The following NFXL1 variants were observed in gnomAD, a reference collection of about 807,000 sequenced individuals.
NFXL1 encodes NF-X1-type zinc finger protein NFXL1.
NFXL1 carries 66 observed loss-of-function variants against 123.3 expected under a neutral mutation model. The observed-to-expected ratio is 0.54, with a 90% CI of 0.44 to 0.66. The LOEUF is 0.66. Ranked by LOEUF, NFXL1 falls within the 30% of genes least tolerant of loss-of-function variation. The pLI is 0.00. For synonymous variants in NFXL1, 346 were observed against 360.8 expected, an observed-to-expected ratio of 0.96 and a Z score of 0.46; for missense variants, 944 against 1,125.6, an observed-to-expected ratio of 0.84 and a Z score of 2.31.
rs555314014 is a variant in NFXL1 at position 47,851,703 on chromosome 4, C to T, written c.2508+153G>A. Among the ~76,000 whole-genome samples, 5 of 151,980 alleles carry T rather than the reference C, an allele frequency of 3.3e-5. No individual in the cohort carries two copies. The South Asian group carries it at 1.0e-3, about 32-fold the overall frequency. On this transcript the variant is annotated intron_variant, in intron 21 of 22. Transcript: ENST00000507489. ...TCATATACACTAGGCAATGAAAATC[C>T]CAATCTGCCATTCAAAATAAGCCTA... is the stretch of plus-strand genomic sequence containing the variant.
Position 47,914,159 on chromosome 4 carries a change from GGATCGGCCTCGGCCACCGGCCACCTGGC to G in NFXL1, c.17_44del (p.Arg6ProfsTer66). 6.5e-7 allele frequency: 1 copy of G among 1,546,188 alleles called. No homozygotes were observed. Among genetic ancestry groups the G allele is most frequent in the Non-Finnish European group, 8.7e-7 (1 of 1,144,360 alleles). ...AGGGGGCGGCAGTGGCCCGTCCCCG[GGATCGGCCTCGGCCACCGGCCACCTGGC>G]GCCAGGAAGCTTCCATCCCTGCAAA... On this transcript the variant is annotated frameshift_variant, in exon 2 of 23. Coordinates refer to ENST00000507489, the MANE Select transcript of NFXL1 (RefSeq NM_001278624.2). LOFTEE classifies it high-confidence loss of function.
At chr4:47,872,461 CAA>C (rs34343515) in intron 18 of NFXL1, among the ~76,000 whole-genome samples, 2,326 of 110,860 alleles carry the variant, frequency 0.021, 61 homozygotes, top group African/African-American at 0.07. Context: ...GACTCTGTCT[CAA>C]AAAAAAAAAA....
rs547996221 is a variant in NFXL1, at chr4:47,883,259, A to C, written c.1916+1087T>G. ...CCGTCTCAAAGAAAAAAAAACAAAA[A>C]AAAACAGACTAAGGAACTCAATGGT... On this transcript the variant is annotated intron_variant, in intron 15 of 22. Coordinates refer to ENST00000507489, the MANE Select transcript of NFXL1 (RefSeq NM_001278624.2). Among the ~76,000 whole-genome samples the C allele has an allele frequency of 5.3e-5, 8 of 152,260 alleles. 1 individual carries two copies. In the South Asian group the frequency reaches 1.7e-3, roughly 32 times the overall value.
rs764307379 is a variant in NFXL1 at position 47,894,286 on chromosome 4, C to T, written c.1346G>A (p.Cys449Tyr). 3.1e-6 allele frequency: 5 copies of T among 1,590,106 alleles called. No individual in the cohort carries two copies. Among genetic ancestry groups the T allele is most frequent in the Non-Finnish European group, 4.3e-6 (5 of 1,168,410 alleles). Residue 449 changes from cysteine (C) to tyrosine (Y), a missense_variant, in exon 11 of 23, where the codon TGT (cysteine) becomes TAT (tyrosine). By Grantham distance (194) the Cys-to-Tyr change is radical. Around this residue, in one of 4 missense-constraint regions of NFXL1, gnomAD observed 296 missense variants for 395.1 expected, o/e 0.75. Transcript: ENST00000507489. ...ETCRQEVEKH[C>Y]RCGKHTKRMP... ...TCGTTTTGTATGCTTTCCACAGCGACAATGCTTTTCCACTTCCTGGAAGAA... is the reference window on the plus strand; with the variant it reads ...TCGTTTTGTATGCTTTCCACAGCGATAATGCTTTTCCACTTCCTGGAAGAA...
At chr4:47,856,368 C>T (rs1053248168) in intron 19 of NFXL1, among the ~76,000 whole-genome samples, 5 of 152,098 alleles carry the variant, frequency 3.3e-5, no homozygotes, top group African/African-American at 1.2e-4. Flanking sequence ...CATCAACTTA[C>T]GGTGGTGTAA....
intron 3 of NFXL1, among the ~76,000 whole-genome samples, chr4:47,906,924 A>T (rs1737590012): frequency 6.6e-6 from 1 of 152,244 alleles, no homozygotes; most frequent in Non-Finnish European, 1.5e-5. Flanking sequence ...GGAGGCCAAG[A>T]CTGAAAGCTG....
intron 19 of NFXL1, 65 bp from the exon 20 acceptor site, chr4:47,855,228 T>C (rs2110030873): frequency 4.7e-6 from 4 of 858,608 alleles, no homozygotes; most frequent in African/African-American, 1.7e-5. Context: ...GTTTCCCCCA[T>C]ACCCCAACAA....
chr4:47,909,076 C>CGT (rs1737706317), intron 3 of NFXL1, among the ~76,000 whole-genome samples: 2 of 151,904 alleles, frequency 1.3e-5, no homozygotes, highest in African/African-American at 4.8e-5. Context: ...ACAGCACAGA[C>CGT]TACACAACAG....
chr4:47,860,453 C>G (rs1734701411), intron 19 of NFXL1, among the ~76,000 whole-genome samples: 1 of 152,184 alleles, frequency 6.6e-6, no homozygotes, highest in Non-Finnish European at 1.5e-5. Flanking sequence ...GTATCAGAGA[C>G]ACAGTGGAGC....
At chr4:47,914,307 G>A (rs1738003648) in intron 1 of NFXL1, 58 bp downstream of exon 1, 2 of 934,174 alleles carry the variant, frequency 2.1e-6, no homozygotes, top group South Asian at 3.7e-5. Context: ...GGGGCCGAGT[G>A]AGGAAGGTTC....
At chr4:47,859,245 T>C (rs1734586171) in intron 19 of NFXL1, among the ~76,000 whole-genome samples, 1 of 152,172 alleles carries the variant, frequency 6.6e-6, no homozygotes, top group Non-Finnish European at 1.5e-5. Flanking sequence ...ATCAAAACGT[T>C]CCACTTTAAT....
chr4:47,866,995 G>A lies in NFXL1; in HGVS notation c.2247-4080C>T, dbSNP rs539044939. 7.9e-5 allele frequency among the ~76,000 whole-genome samples: 12 copies of A among 152,248 alleles called. No individual in the cohort carries two copies. In the South Asian group the frequency reaches 8.3e-4, roughly 11 times the overall value. On this transcript the variant is annotated intron_variant, in intron 18 of 22. Coordinates refer to ENST00000507489, the MANE Select transcript of NFXL1 (RefSeq NM_001278624.2). ...GCTCCACTGGGAGCAGACTCTGGGCGCTTGTGACTGGTTTGCCCTACACTT... is the reference window on the plus strand; with the variant it reads ...GCTCCACTGGGAGCAGACTCTGGGCACTTGTGACTGGTTTGCCCTACACTT...
rs571445370 is a variant in NFXL1 at position 47,885,752 on chromosome 4, T to C, written c.1665-95A>G. The C allele has an allele frequency of 4.0e-4, 543 of 1,352,066 alleles. 2 individuals carry two copies. The African/African-American group carries it at 7.0e-3, about 17-fold the overall frequency. 83.8% of individuals were successfully genotyped at this position (1,352,066 alleles called of 1,614,324 possible). The stretch of plus-strand genomic sequence containing the variant: ...TCTATTTACATATCTTCTGATTCCA[T>C]ATAGAATGAGTATACTGTGAATATT... On this transcript the variant is annotated intron_variant, in intron 13 of 22. Coordinates refer to ENST00000507489, the MANE Select transcript of NFXL1 (RefSeq NM_001278624.2).
intron 5 of NFXL1, among the ~76,000 whole-genome samples, chr4:47,901,377 G>A (rs1737347650): frequency 6.6e-6 from 1 of 152,064 alleles, no homozygotes; most frequent in South Asian, 2.1e-4. Context: ...TTTTAAATTA[G>A]AAGTTAACAG....
intron 20 of NFXL1, among the ~76,000 whole-genome samples, chr4:47,852,821 G>A (rs990853349): frequency 2.0e-5 from 3 of 151,876 alleles, no homozygotes; most frequent in African/African-American, 7.3e-5. Flanking sequence ...TATTTAATTT[G>A]TATCAGTTTC....
rs1737104728 is a variant in NFXL1, at chr4:47,896,654, A to G, written c.1205-7T>C. ...GTACAAGGCAAAGAAAACTCTAAAA[A>G]CATACAAAAAGTCAATGTTAATAAT... On this transcript the variant is annotated splice_region_variant and splice_polypyrimidine_tract_variant and intron_variant, in intron 9 of 22. Coordinates refer to ENST00000507489, the MANE Select transcript of NFXL1 (RefSeq NM_001278624.2). 1 of 1,596,678 alleles carries G rather than the reference A, an allele frequency of 6.3e-7. No individual in the cohort carries two copies.
At chr4:47,867,829 T>TTA (rs34566821) in intron 18 of NFXL1, among the ~76,000 whole-genome samples, 8,384 of 152,276 alleles carry the variant, frequency 0.055, 327 homozygotes, top group Non-Finnish European at 0.086. Context: ...AAAAGACTTT[T>TTA]TATACAACTG....
chr4:47,891,114 CTTTTTTTTT>C (rs374093120), intron 11 of NFXL1, among the ~76,000 whole-genome samples: 5 of 140,002 alleles, frequency 3.6e-5, no homozygotes, highest in Admixed American at 7.2e-5. Context: ...TTCTTTTTTT[CTTTTTTTTT>C]TTTTTCTTGA....
rs1733920956 is a variant in NFXL1, at chr4:47,848,197, A to G, written c.2702T>C (p.Val901Ala). 1.9e-6 allele frequency: 3 copies of G among 1,608,414 alleles called. No individual in the cohort carries two copies. The highest frequency in any genetic ancestry group is 2.5e-6 in the Non-Finnish European group (3 of 1,176,702). Reference sequence around the variant, plus strand: ...ATCATGGGTGATGTACCAGGCAAACACTACAACCACAACTCCACACACTGA... The same window carrying G: ...ATCATGGGTGATGTACCAGGCAAACGCTACAACCACAACTCCACACACTGA... ...LISVCGVVVV[V>A]FAWYITHDVN The change falls in exon 23 of 23, where the codon GTG (valine) becomes GCG (alanine). Residue 901 changes from valine (V) to alanine (A), a missense_variant. Physicochemically the swap from Val to Ala is moderately conservative, Grantham distance 64. Around this residue, in one of 4 missense-constraint regions of NFXL1, gnomAD observed 301 missense variants for 348.0 expected, o/e 0.86. Transcript: ENST00000507489.
Sources: allele counts gnomAD v4.1 joint callset (sites outside exome capture counted in the v4.1 genomes callset), GRCh38; gene constraint gnomAD v4.1.1; regional missense constraint gnomAD v4.1.1; transcripts MANE v1.5; gene names NCBI Gene and HGNC (gene_info 2026-07-23, HGNC 2026-07-21).